FRMD4A: variants seen among roughly 807,000 people sequenced by gnomAD.
FRMD4A encodes FERM domain containing 4A.
In FRMD4A, 29 loss-of-function variants were observed where a neutral mutation model predicts 129.1. That is an observed-to-expected ratio of 0.22 (90% CI 0.17 to 0.31). The LOEUF (loss-of-function observed/expected upper bound fraction) is 0.31, where lower values mean the gene tolerates loss of function less well. FRMD4A is among the 10% of genes least tolerant of loss of function. FRMD4A has a pLI of 1.00. For synonymous variants in FRMD4A, 634 were observed against 571.6 expected (o/e 1.11, Z -1.56); for missense variants, 1,272 against 1,375.8 (o/e 0.92, Z 1.19).
chr10:14,256,531 TAA>T (rs1457703064), intron 2 of FRMD4A, among the ~76,000 whole-genome samples: 1 of 152,186 alleles, frequency 6.6e-6, no homozygotes, highest in Non-Finnish European at 1.5e-5. Context: ...ATAAAGAATA[TAA>T]GAGTGTAGTG....
At chr10:13,692,744 A>G (rs1458198769) in intron 15 of FRMD4A, 1 of 152,178 alleles carries the variant, frequency 6.6e-6, no homozygotes, top group East Asian at 1.9e-4. Context: ...CCTTTTTGTT[A>G]TTGTTTACAG....
chr10:14,113,912 G>A (rs771993878), intron 2 of FRMD4A, among the ~76,000 whole-genome samples: 3 of 151,996 alleles, frequency 2.0e-5, no homozygotes, highest in Non-Finnish European at 2.9e-5. Context: ...TCACATCTCC[G>A]AGCCTCTGCT....
chr10:13,908,258 T>C lies in FRMD4A; in HGVS notation c.46-49346A>G, dbSNP rs554099456. ...TTAAACACTTTATCTTCTTTGCTTA[T>C]TGAAAGCAAGAGAGAGAGAGCTTGC... On this transcript the variant is annotated intron_variant, in intron 2 of 24. Transcript: ENST00000357447. 2.6e-5 allele frequency among the ~76,000 whole-genome samples: 4 copies of C among 152,132 alleles called. No individual in the cohort carries two copies. In the East Asian group the frequency reaches 7.7e-4, roughly 29 times the overall value.
intron 3 of FRMD4A, among the ~76,000 whole-genome samples, chr10:13,834,660 G>C (rs139570555): frequency 6.6e-6 from 1 of 152,318 alleles, no homozygotes; most frequent in East Asian, 1.9e-4. Context: ...TTCTGGTCCA[G>C]AGAGTCATCT....
intron 4 of FRMD4A, among the ~76,000 whole-genome samples, chr10:13,803,695 C>T (rs77046895): frequency 0.071 from 10,758 of 152,192 alleles, 451 homozygotes; most frequent in African/African-American, 0.12. Flanking sequence ...TCCTAATCTA[C>T]AAACACAAGC....
rs189982875 is a variant in FRMD4A at position 14,309,279 on chromosome 10, A to G, written c.45+20779T>C. ...AGCTTGGACAACATAGTGAGACCTC[A>G]TCTCTAAAAAAATTTTTTAAATTAG... On this transcript the variant is annotated intron_variant, in intron 2 of 24. Coordinates refer to ENST00000357447, the MANE Select transcript of FRMD4A (RefSeq NM_018027.5). Among the ~76,000 whole-genome samples the G allele has an allele frequency of 1.0e-3, 157 of 152,218 alleles. 1 individual carries two copies. The highest frequency in any genetic ancestry group is 3.6e-3 in the African/African-American group (150 of 41,544).
chr10:13,976,885 C>T (rs963433490), intron 2 of FRMD4A, among the ~76,000 whole-genome samples: 1 of 152,160 alleles, frequency 6.6e-6, no homozygotes, highest in Admixed American at 6.5e-5. Flanking sequence ...GTGCAAATAG[C>T]ATTTTTAAAA....
chr10:14,104,614 A>G (rs996296066), intron 2 of FRMD4A, among the ~76,000 whole-genome samples: 3 of 152,192 alleles, frequency 2.0e-5, no homozygotes, highest in Non-Finnish European at 2.9e-5. Context: ...GCCCGACCTG[A>G]GTAGAAAGGC....
chr10:14,216,726 C>T (rs1265366180), intron 2 of FRMD4A, among the ~76,000 whole-genome samples: 1 of 151,972 alleles, frequency 6.6e-6, no homozygotes, highest in Non-Finnish European at 1.5e-5. Context: ...GTCTCCAGAA[C>T]CTCTCTTTGT....
chr10:14,327,227 A>C (rs1843313074), intron 2 of FRMD4A, among the ~76,000 whole-genome samples: 1 of 152,222 alleles, frequency 6.6e-6, no homozygotes, highest in African/African-American at 2.4e-5. Flanking sequence ...AACACTAATG[A>C]TCATCCGTGT....
Position 14,111,176 on chromosome 10 carries a change from T to C in FRMD4A, c.45+218882A>G, listed in dbSNP as rs575673509. Among the ~76,000 whole-genome samples the C allele has an allele frequency of 9.5e-4, 145 of 152,350 alleles. 1 individual carries two copies. Among genetic ancestry groups the C allele is most frequent in the African/African-American group, 3.4e-3 (142 of 41,578 alleles). On this transcript the variant is annotated intron_variant, in intron 2 of 24. Coordinates refer to ENST00000357447, the MANE Select transcript of FRMD4A (RefSeq NM_018027.5). ...TAGCTTAGCCCCTGATAACTATCAT[T>C]CTGCTTTCTGTCTCTGCGAATTTGA...
intron 12 of FRMD4A, among the ~76,000 whole-genome samples, chr10:13,714,021 A>AAATATATATTTTATATATATAT: frequency 6.8e-4 from 1 of 1,478 alleles, no homozygotes; most frequent in African/African-American, 1.2e-3. Flanking sequence ...ACATATATAA[A>AAATATATATTTTATATATATAT]ATATACATAT....
intron 2 of FRMD4A, among the ~76,000 whole-genome samples, chr10:14,238,985 C>T (rs1396269166): frequency 6.6e-6 from 1 of 152,100 alleles, no homozygotes; most frequent in African/African-American, 2.4e-5. Flanking sequence ...ATAGGAGGTG[C>T]TTTTTTACTG....
chr10:13,838,454 T>C (rs1764518255), intron 3 of FRMD4A, among the ~76,000 whole-genome samples: 2 of 151,576 alleles, frequency 1.3e-5, no homozygotes, highest in Admixed American at 1.3e-4. Context: ...GCTTCTCAGT[T>C]TGTTGCATTG....
chr10:13,686,887 C>A (rs1187940095), intron 15 of FRMD4A, among the ~76,000 whole-genome samples: 1 of 152,208 alleles, frequency 6.6e-6, no homozygotes, highest in Non-Finnish European at 1.5e-5. Context: ...CAACAAGCCA[C>A]ACGTCCCTGC....
chr10:14,240,720 A>T, intron 2 of FRMD4A, among the ~76,000 whole-genome samples: 1 of 152,342 alleles, frequency 6.6e-6, no homozygotes, highest in Middle Eastern at 3.4e-3. Flanking sequence ...ACAGGCAGTG[A>T]AAAAGGACTA....
intron 2 of FRMD4A, among the ~76,000 whole-genome samples, chr10:14,057,118 G>C (rs755664715): frequency 2.1e-4 from 32 of 152,190 alleles, no homozygotes; most frequent in Non-Finnish European, 4.4e-4. Flanking sequence ...AGGCCTCAAA[G>C]GGTTTTGCAA....
At chr10:13,977,319 G>GA (rs5783375) in intron 2 of FRMD4A, among the ~76,000 whole-genome samples, 19,040 of 152,052 alleles carry the variant, frequency 0.13, 3,026 homozygotes, top group African/African-American at 0.36. Context: ...TCCAACACAA[G>GA]ACTCAAACTG....
At chr10:13,662,102 G>C (rs1340764394) in intron 19 of FRMD4A, among the ~76,000 whole-genome samples, 2 of 152,260 alleles carry the variant, frequency 1.3e-5, no homozygotes, top group South Asian at 2.1e-4. Context: ...TATTGCTCCA[G>C]GCACCCCTCT....
Sources: allele counts gnomAD v4.1 joint callset (sites outside exome capture counted in the v4.1 genomes callset), GRCh38; gene constraint gnomAD v4.1.1; transcripts MANE v1.5; gene names NCBI Gene and HGNC (gene_info 2026-07-23, HGNC 2026-07-21).